The following PIK3CD variants were observed in gnomAD, a reference collection of about 807,000 sequenced individuals.
PIK3CD encodes the protein phosphatidylinositol 4,5-bisphosphate 3-kinase catalytic subunit delta isoform.
Under a neutral mutation model 122.9 loss-of-function variants are expected in PIK3CD, and 20 were observed. The observed-to-expected ratio is 0.16, with a 90% CI of 0.11 to 0.24. PIK3CD has a LOEUF of 0.24. PIK3CD is among the 10% of genes least tolerant of loss of function. The probability of loss-of-function intolerance (pLI) is 1.00; values close to 1 mark genes in which losing one functional copy is unlikely to be tolerated. For missense variants in PIK3CD, 787 were observed against 1,406.3 expected, an observed-to-expected ratio of 0.56 and a Z score of 7.04; for synonymous variants, 596 against 593.4, an observed-to-expected ratio of 1.00 and a Z score of -0.06.
chr1:9,648,910 G>C (rs1012799960), upstream of PIK3CD, among the ~76,000 whole-genome samples: 4 of 152,128 alleles, frequency 2.6e-5, no homozygotes, highest in African/African-American at 9.7e-5. Context: ...AGACCAGCCT[G>C]GCCAACATGG....
intron 2 of PIK3CD, among the ~76,000 whole-genome samples, chr1:9,694,970 AAAAG>A (rs1362529584): frequency 1.4e-5 from 2 of 146,674 alleles, no homozygotes; most frequent in African/African-American, 5.3e-5. Flanking sequence ...TCAAAAACAA[AAAAG>A]AGAGAGAGAG....
intron 1 of PIK3CD, among the ~76,000 whole-genome samples, chr1:9,686,816 G>A (rs1645982784): frequency 6.6e-6 from 1 of 152,212 alleles, no homozygotes; most frequent in South Asian, 2.1e-4. Context: ...GCCACCTGGG[G>A]CAAGTCACTT....
Position 9,689,752 on chromosome 1 carries a change from G to T in PIK3CD, c.-137-1715G>T, listed in dbSNP as rs1018637285. On this transcript the variant is annotated intron_variant, in intron 1 of 23. Coordinates refer to ENST00000377346, the MANE Select transcript of PIK3CD (RefSeq NM_005026.5). The surrounding 1 kb of genome is among the most constrained non-coding windows in gnomAD (Gnocchi z 6.1). Reference sequence around the variant, plus strand: ...GAGCCCACCTGTGCGGGCGTCTGCGGGGTCCCCGTGCCCCGCCCCCAGCCC... The same window carrying T: ...GAGCCCACCTGTGCGGGCGTCTGCGTGGTCCCCGTGCCCCGCCCCCAGCCC... 7.5e-4 allele frequency among the ~76,000 whole-genome samples: 114 copies of T among 151,032 alleles called. No individual in the cohort carries two copies. Among genetic ancestry groups the T allele is most frequent in the Non-Finnish European group, 1.3e-3 (90 of 67,502 alleles).
Position 9,724,553 on chromosome 1 carries a change from A to G in PIK3CD, c.2864+132A>G. 1 of 1,129,450 alleles carries G rather than the reference A, an allele frequency of 8.9e-7. No homozygotes were observed. Among genetic ancestry groups the G allele is most frequent in the South Asian group, 1.3e-5 (1 of 75,298 alleles). The allele number at this position is 1,129,450 out of a possible 1,614,324, so 70.0% of individuals were successfully genotyped here. A position where few individuals can be genotyped will look rare whatever the true frequency, so the allele number is the denominator to read the frequency against. On this transcript the variant is annotated intron_variant, in intron 22 of 23. Coordinates refer to ENST00000377346, the MANE Select transcript of PIK3CD (RefSeq NM_005026.5). This position sits in a 1 kb window ranked among gnomAD's most constrained non-coding sequence, Gnocchi z 7.3. ...ACCTGGCCCCTCACCCCAACTGTTG[A>G]TGGGTTTGGAACATGCCCCTGCTCC...
chr1:9,679,359 C>T (rs61783036), intron 1 of PIK3CD, among the ~76,000 whole-genome samples: 1,583 of 152,000 alleles, frequency 0.01, 35 homozygotes, highest in African/African-American at 0.035. Context: ...TGAGCCACCG[C>T]GCCTGGTCTG....
rs915596005 is a variant in PIK3CD at position 9,667,578 on chromosome 1, G to A, written c.-138+15776G>A. Reference sequence around the variant, plus strand: ...TTTTTAGTAGAGATTGGGTTTCACCGTGTTAGCCAGGATAGTCTCCATCTC... The same window carrying A: ...TTTTTAGTAGAGATTGGGTTTCACCATGTTAGCCAGGATAGTCTCCATCTC... On this transcript the variant is annotated intron_variant, in intron 1 of 23. Coordinates refer to ENST00000377346, the MANE Select transcript of PIK3CD (RefSeq NM_005026.5). Among the ~76,000 whole-genome samples, 31 of 151,536 alleles carry A rather than the reference G, an allele frequency of 2.0e-4. 1 individual carries two copies. Among genetic ancestry groups the A allele is most frequent in the Non-Finnish European group, 7.4e-5 (5 of 67,946 alleles).
rs934829552 is a variant in PIK3CD, at chr1:9,728,713, G to C, written c.*1667G>C. ...TTATTTAAGTGCGCCTGTGTGCGCGGGTGTGGGAGCACACTTTGCAAAGCC... is the reference window on the plus strand; with the variant it reads ...TTATTTAAGTGCGCCTGTGTGCGCGCGTGTGGGAGCACACTTTGCAAAGCC... On this transcript the variant is annotated 3_prime_UTR_variant, in exon 24 of 24. Transcript: ENST00000377346. The C allele has an allele frequency of 6.6e-6, 1 of 152,270 alleles. No individual in the cohort carries two copies. The highest frequency in any genetic ancestry group is 1.5e-5 in the Non-Finnish European group (1 of 68,056). 9.4% of individuals were successfully genotyped at this position (152,270 alleles called of 1,614,324 possible). A position where few individuals can be genotyped will look rare whatever the true frequency, so the allele number is the denominator to read the frequency against.
At chr1:9,721,315 G>C in intron 14 of PIK3CD, 67 bp downstream of exon 14, 1 of 1,611,212 alleles carries the variant, frequency 6.2e-7, no homozygotes, top group Non-Finnish European at 8.5e-7. Context: ...CAGGACGTGG[G>C]CTCTGGGTGG....
At chr1:9,650,804 C>T (rs7418699), upstream of PIK3CD, among the ~76,000 whole-genome samples, 1 of 152,004 alleles carries the variant, frequency 6.6e-6, no homozygotes, top group African/African-American at 2.4e-5. Context: ...CTCTGAGCAG[C>T]CCTCCGCCTG....
rs1135427 is a variant in PIK3CD at position 9,727,782 on chromosome 1, G to A, written c.*736G>A. 6 of 198,280 alleles carry A rather than the reference G, an allele frequency of 3.0e-5. No homozygotes were observed. Among genetic ancestry groups the A allele is most frequent in the Non-Finnish European group, 6.2e-5 (6 of 96,072 alleles). The allele number at this position is 198,280 out of a possible 1,614,324, so 12.3% of individuals were successfully genotyped here. ...ATGAAGGCAAAAGCAGGTCAGAAGCGAATACTCTGCCATTATCTCAAAAAT... is the reference window on the plus strand; with the variant it reads ...ATGAAGGCAAAAGCAGGTCAGAAGCAAATACTCTGCCATTATCTCAAAAAT... On this transcript the variant is annotated 3_prime_UTR_variant, in exon 24 of 24. Transcript: ENST00000377346.
intron 1 of PIK3CD, among the ~76,000 whole-genome samples, chr1:9,666,280 AC>A (rs2100910649): frequency 9.1e-6 from 1 of 110,214 alleles, no homozygotes; most frequent in African/African-American, 3.8e-5. Flanking sequence ...TCACTCTGTC[AC>A]CGAGGCTGGA....
intron 3 of PIK3CD, among the ~76,000 whole-genome samples, chr1:9,714,804 C>G (rs1647210426): frequency 6.6e-6 from 1 of 152,156 alleles, no homozygotes; most frequent in South Asian, 2.1e-4. Flanking sequence ...CACCCCAGGG[C>G]ACACACTCCA....
At chr1:9,645,087 G>A in the PIK3CD span, among the ~76,000 whole-genome samples, 8 of 143,408 alleles carry the variant, frequency 5.6e-5, no homozygotes, top group Admixed American at 1.4e-4. Context: ...GTGCAGTGGC[G>A]CAACCTCGGC....
chr1:9,671,362 G>T (rs2100988058), intron 1 of PIK3CD, among the ~76,000 whole-genome samples: 1 of 152,318 alleles, frequency 6.6e-6, no homozygotes, highest in East Asian at 1.9e-4. Flanking sequence ...GCCTTCCAAA[G>T]TGCTGGGATT....
chr1:9,648,992 C>T (rs1644632348), upstream of PIK3CD, among the ~76,000 whole-genome samples: 1 of 152,118 alleles, frequency 6.6e-6, no homozygotes, highest in South Asian at 2.1e-4. Flanking sequence ...GTCCCAGCTA[C>T]TTGGGAGGCT....
chr1:9,720,718 C>T lies in PIK3CD; in HGVS notation c.1522-24C>T, dbSNP rs779832303. 6 of 1,605,818 alleles carry T rather than the reference C, an allele frequency of 3.7e-6. No individual in the cohort carries two copies. In the South Asian group the frequency reaches 4.4e-5, roughly 12 times the overall value. ...ATGGAGCCGGCGTGGAACCAGAGCC[C>T]TCACTCCTGCCCACACCCCTCAGCA... On this transcript the variant is annotated intron_variant, in intron 12 of 23. Transcript: ENST00000377346. The surrounding 1 kb of genome is among the most constrained non-coding windows in gnomAD (Gnocchi z 9.0).
intron 1 of PIK3CD, chr1:9,654,461 AGACAGTCC>A: frequency 6.0e-6 from 8 of 1,342,266 alleles, no homozygotes; most frequent in Non-Finnish European, 8.0e-6. Flanking sequence ...CTTACAGGAC[AGACAGTCC>A]ACCAATGGTT....
the PIK3CD span, among the ~76,000 whole-genome samples, chr1:9,636,709 T>G: frequency 6.6e-6 from 1 of 152,098 alleles, no homozygotes; most frequent in Non-Finnish European, 1.5e-5. Context: ...TGGGCCAACT[T>G]AATGTTATCG....
chr1:9,638,876 A>G, the PIK3CD span, among the ~76,000 whole-genome samples: 4 of 149,836 alleles, frequency 2.7e-5, no homozygotes, highest in South Asian at 8.5e-4. Context: ...TCTGGGCTCA[A>G]GTGATCCTCC....
Sources: allele counts gnomAD v4.1 joint callset (sites outside exome capture counted in the v4.1 genomes callset), GRCh38; gene constraint gnomAD v4.1.1; non-coding constraint Gnocchi (gnomAD v3.1); transcripts MANE v1.5; gene names NCBI Gene and HGNC (gene_info 2026-07-23, HGNC 2026-07-21).